C14orf180: variants seen among roughly 807,000 people sequenced by gnomAD.
C14orf180 encodes the protein chromosome 14 open reading frame 180, also known as nutritionally-regulated adipose and cardiac enriched protein homolog.
Under a neutral mutation model 13.9 loss-of-function variants are expected in C14orf180, and 13 were observed. The observed-to-expected ratio is 0.94, with a 90% CI of 0.61 to 1.49. The LOEUF (loss-of-function observed/expected upper bound fraction) is 1.49. C14orf180 is among the 40% of genes most tolerant of loss of function. The pLI, the probability that C14orf180 is intolerant of heterozygous loss-of-function variation, is 0.00. For missense variants in C14orf180, 238 were observed against 232.0 expected (o/e 1.03, Z -0.17); for synonymous variants, 113 against 106.3 (o/e 1.06, Z -0.39).
At position 104,579,997 on chromosome 14, in the gene C14orf180, G is replaced by C. The variant is rs963693475; in HGVS notation, c.-23G>C. 6.6e-6 allele frequency: 1 copy of C among 152,422 alleles called. No individual in the cohort carries two copies. The highest frequency in any genetic ancestry group is 6.5e-5 in the Admixed American group (1 of 15,284). 9.4% of individuals were successfully genotyped at this position (152,422 alleles called of 1,614,324 possible). On this transcript the variant is annotated 5_prime_UTR_variant, in exon 1 of 5. Transcript: ENST00000557649. ...TTCTGTCCCTCGGGGAGCCAGGAGGGAACCAGGTGAGTTCCAGCCCCAGGG... is the reference window on the plus strand; with the variant it reads ...TTCTGTCCCTCGGGGAGCCAGGAGGCAACCAGGTGAGTTCCAGCCCCAGGG...
chr14:104,589,026 A>G lies in C14orf180; in HGVS notation c.*243A>G. 1 of 734,828 alleles carries G rather than the reference A, an allele frequency of 1.4e-6. No individual in the cohort carries two copies. The highest frequency in any genetic ancestry group is 2.1e-6 in the Non-Finnish European group (1 of 482,940). 45.5% of individuals were successfully genotyped at this position (734,828 alleles called of 1,614,324 possible). A position where few individuals can be genotyped will look rare whatever the true frequency, so the allele number is the denominator to read the frequency against. On this transcript the variant is annotated 3_prime_UTR_variant, in exon 5 of 5. Coordinates refer to ENST00000557649, the MANE Select transcript of C14orf180 (RefSeq NM_001008404.3). This position sits in a 1 kb window ranked among gnomAD's most constrained non-coding sequence, Gnocchi z 4.9. ...CTGTCTCCTGTGTTGGGTCCATGTG[A>G]GATTTTATTAGAAAGAGGATTCGAC...
Position 104,588,821 on chromosome 14 carries a change from A to C in C14orf180, c.*38A>C, listed in dbSNP as rs535962711. ...GCAGGACGGGCAGGGCTTCCAGGAG[A>C]GCTCAAGCACTCCGGGGGCTCCGAG... On this transcript the variant is annotated 3_prime_UTR_variant, in exon 5 of 5. Coordinates refer to ENST00000557649, the MANE Select transcript of C14orf180 (RefSeq NM_001008404.3). 103 of 1,530,552 alleles carry C rather than the reference A, an allele frequency of 6.7e-5. 1 individual carries two copies. The African/African-American group carries it at 1.3e-3, about 20-fold the overall frequency. The allele number at this position is 1,530,552 out of a possible 1,614,324, so 94.8% of individuals were successfully genotyped here.
intron 1 of C14orf180, among the ~76,000 whole-genome samples, chr14:104,585,301 G>C (rs1182512811): frequency 6.6e-6 from 1 of 152,192 alleles, no homozygotes; most frequent in Admixed American, 6.5e-5. Context: ...GGAAGCCCCA[G>C]CCCCCTCTGG....
At chr14:104,585,097 C>T (rs1886573587) in intron 1 of C14orf180, among the ~76,000 whole-genome samples, 1 of 152,230 alleles carries the variant, frequency 6.6e-6, no homozygotes, top group South Asian at 2.1e-4. Context: ...GGGGCAGGGT[C>T]CTTGGAGGAC....
At position 104,589,142 on chromosome 14, in the gene C14orf180, T is replaced by C; in HGVS notation, c.*359T>C. 2.2e-6 allele frequency: 1 copy of C among 461,874 alleles called. No individual in the cohort carries two copies. 28.6% of individuals were successfully genotyped at this position (461,874 alleles called of 1,614,324 possible). Reference sequence around the variant, plus strand: ...CTGCTGCTAGGGCCTGGCCCGGCCATCACCGTGTGCACCCTCTTGAGGAGG... The same window carrying C: ...CTGCTGCTAGGGCCTGGCCCGGCCACCACCGTGTGCACCCTCTTGAGGAGG... On this transcript the variant is annotated 3_prime_UTR_variant, in exon 5 of 5. Coordinates refer to ENST00000557649, the MANE Select transcript of C14orf180 (RefSeq NM_001008404.3). This position sits in a 1 kb window ranked among gnomAD's most constrained non-coding sequence, Gnocchi z 4.9.
chr14:104,588,014 C>T (rs1886694730), intron 3 of C14orf180, 136 bp downstream of exon 3: 4 of 1,190,556 alleles, frequency 3.4e-6, no homozygotes, highest in East Asian at 2.6e-5. Context: ...TTCAGTGCCA[C>T]AACCCCTGTA....
At chr14:104,580,325 C>T (rs1211452950) in intron 1 of C14orf180, among the ~76,000 whole-genome samples, 15 of 152,232 alleles carry the variant, frequency 9.9e-5, no homozygotes, top group Non-Finnish European at 1.9e-4. Context: ...AGTCCCAGGC[C>T]GGCCCTGTGT....
chr14:104,586,303 A>G (rs35246301), intron 1 of C14orf180, 112 bp from the exon 2 acceptor site: 96,510 of 663,414 alleles, frequency 0.15, 11,507 homozygotes, highest in East Asian at 0.47. Flanking sequence ...GCCGGTCGCA[A>G]GCCCGGGAAG....
Position 104,589,033 on chromosome 14 carries a change from AT to A in C14orf180, c.*252del. On this transcript the variant is annotated 3_prime_UTR_variant, in exon 5 of 5. Coordinates refer to ENST00000557649, the MANE Select transcript of C14orf180 (RefSeq NM_001008404.3). The surrounding 1 kb of genome is among the most constrained non-coding windows in gnomAD (Gnocchi z 4.9). The stretch of plus-strand genomic sequence containing the variant: ...CTGTGTTGGGTCCATGTGAGATTTT[AT>A]TAGAAAGAGGATTCGACTGCTAACA... The A allele has an allele frequency of 1.4e-6, 1 of 724,318 alleles. No homozygotes were observed. Among genetic ancestry groups the A allele is most frequent in the Non-Finnish European group, 2.1e-6 (1 of 473,506 alleles). The allele number at this position is 724,318 out of a possible 1,614,324, so 44.9% of individuals were successfully genotyped here.
rs10083486 is a variant in C14orf180 at position 104,589,607 on chromosome 14, A to G, written c.*824A>G. The G allele has an allele frequency of 0.2, 31,049 of 152,508 alleles. 4,484 individuals carry two copies. The highest frequency in any genetic ancestry group is 0.41 in the African/African-American group (16,921 of 41,434). The allele number at this position is 152,508 out of a possible 1,614,324, so 9.4% of individuals were successfully genotyped here. On this transcript the variant is annotated 3_prime_UTR_variant, in exon 5 of 5. Transcript: ENST00000557649. The surrounding 1 kb of genome is among the most constrained non-coding windows in gnomAD (Gnocchi z 4.9). The stretch of plus-strand genomic sequence containing the variant: ...TGCAGAGCTGAAGGGAGCCCTGTGG[A>G]TGACAAACACCAGGGGCCTCTCCAG...
chr14:104,583,881 G>A (rs996547640), intron 1 of C14orf180, among the ~76,000 whole-genome samples: 1 of 151,866 alleles, frequency 6.6e-6, no homozygotes. Context: ...TGCACGCACA[G>A]AAATACAAGT....
Position 104,588,856 on chromosome 14 carries a change from G to T in C14orf180, c.*73G>T. Reference sequence around the variant, plus strand: ...CTCCGGGGGCTCCGAGACAGCCTGAGCCCTGGCCCTGCTGCTTGGTGAATC... The same window carrying T: ...CTCCGGGGGCTCCGAGACAGCCTGATCCCTGGCCCTGCTGCTTGGTGAATC... On this transcript the variant is annotated 3_prime_UTR_variant, in exon 5 of 5. Transcript: ENST00000557649. 1 of 1,503,162 alleles carries T rather than the reference G, an allele frequency of 6.7e-7. No homozygotes were observed. The highest frequency in any genetic ancestry group is 8.9e-7 in the Non-Finnish European group (1 of 1,126,758). The allele number at this position is 1,503,162 out of a possible 1,614,324, so 93.1% of individuals were successfully genotyped here.
At position 104,586,558 on chromosome 14, in the gene C14orf180, G is replaced by A; in HGVS notation, c.111+17G>A. The A allele has an allele frequency of 6.8e-7, 1 of 1,472,214 alleles. No individual in the cohort carries two copies. Among genetic ancestry groups the A allele is most frequent in the Non-Finnish European group, 9.1e-7 (1 of 1,098,082 alleles). 91.2% of individuals were successfully genotyped at this position (1,472,214 alleles called of 1,614,324 possible). On this transcript the variant is annotated intron_variant, in intron 2 of 4. Coordinates refer to ENST00000557649, the MANE Select transcript of C14orf180 (RefSeq NM_001008404.3). The stretch of plus-strand genomic sequence containing the variant: ...GCAGAGAGGGTAAGGCGGGCCGCTG[G>A]GACACAGCTTCTGCAAGCTGGCCTT...
At chr14:104,586,650 G>T in intron 2 of C14orf180, 109 bp downstream of exon 2, 1 of 543,040 alleles carries the variant, frequency 1.8e-6, no homozygotes, top group Non-Finnish European at 3.1e-6. Context: ...CCAGGAATCA[G>T]GGGGTGATAG....
At chr14:104,588,371 C>A in intron 4 of C14orf180, 62 bp downstream of exon 4, 7 of 1,603,824 alleles carry the variant, frequency 4.4e-6, no homozygotes, top group Non-Finnish European at 6.0e-6. Context: ...CCCACCCTCA[C>A]TCCCTCCCCG....
At chr14:104,580,811 A>G (rs1356679706) in intron 1 of C14orf180, among the ~76,000 whole-genome samples, 1 of 152,160 alleles carries the variant, frequency 6.6e-6, no homozygotes, top group Admixed American at 6.5e-5. Context: ...CATTCCACAT[A>G]TGGGAGGAAG....
At chr14:104,580,295 G>A (rs1886393226) in intron 1 of C14orf180, among the ~76,000 whole-genome samples, 1 of 152,184 alleles carries the variant, frequency 6.6e-6, no homozygotes, top group Non-Finnish European at 1.5e-5. Context: ...TGGGACTGAT[G>A]GTTTCCCTAA....
intron 3 of C14orf180, 60 bp from the exon 4 acceptor site, chr14:104,588,214 C>A: frequency 6.2e-7 from 1 of 1,602,856 alleles, no homozygotes; most frequent in Non-Finnish European, 8.5e-7. Context: ...GACGAGAGGG[C>A]GGGGGCGCCC....
intron 1 of C14orf180, among the ~76,000 whole-genome samples, chr14:104,585,551 G>A (rs1379978135): frequency 2.0e-5 from 3 of 152,204 alleles, no homozygotes; most frequent in Non-Finnish European, 2.9e-5. Flanking sequence ...GGGTGGAGGC[G>A]AGGAGGCGCC....
Sources: gnomAD v4.1 joint callset for allele counts (sites outside exome capture counted in the v4.1 genomes callset) on GRCh38, gnomAD v4.1.1 for gene constraint, Gnocchi (gnomAD v3.1) non-coding constraint, MANE v1.5 for transcripts, NCBI Gene and HGNC (gene_info 2026-07-23, HGNC 2026-07-21) for gene names.